SHISA9: variants seen among roughly 807,000 people sequenced by gnomAD.
SHISA9 encodes the protein shisa family member 9.
SHISA9 carries 13 observed loss-of-function variants against 38.0 expected under a neutral mutation model. That is an observed-to-expected ratio of 0.34 (90% CI 0.22 to 0.54). SHISA9 has a LOEUF of 0.54. SHISA9 is among the 20% of genes least tolerant of loss of function. The pLI is 0.91. For synonymous variants in SHISA9, 275 were observed against 242.0 expected, an observed-to-expected ratio of 1.14 and a Z score of -1.27; for missense variants, 538 against 575.8, an observed-to-expected ratio of 0.93 and a Z score of 0.67.
chr16:13,223,664 G>C (rs2051251362), intron 4 of SHISA9, among the ~76,000 whole-genome samples: 2 of 152,150 alleles, frequency 1.3e-5, no homozygotes, highest in South Asian at 4.1e-4. Flanking sequence ...ATGTACCTGA[G>C]ACTGGGTAAT....
At chr16:13,353,841 G>T in the SHISA9 span, among the ~76,000 whole-genome samples, 1 of 152,144 alleles carries the variant, frequency 6.6e-6, no homozygotes, top group African/African-American at 2.4e-5. Flanking sequence ...GGATATAAAG[G>T]TTTCACTGAA....
the SHISA9 span, among the ~76,000 whole-genome samples, chr16:13,539,334 T>C: frequency 2.4e-5 from 1 of 41,542 alleles, no homozygotes; most frequent in South Asian, 1.6e-3. Context: ...AGGATCTTTA[T>C]ATATATATAA....
the SHISA9 span, among the ~76,000 whole-genome samples, chr16:13,420,373 C>G: frequency 6.6e-6 from 1 of 151,822 alleles, no homozygotes; most frequent in African/African-American, 2.4e-5. Context: ...ATGATCCTCC[C>G]CTCACAGAAA....
intron 2 of SHISA9, among the ~76,000 whole-genome samples, chr16:13,116,282 C>T (rs1209198504): frequency 1.3e-5 from 2 of 152,170 alleles, no homozygotes; most frequent in Non-Finnish European, 2.9e-5. Flanking sequence ...ATATATGATA[C>T]AGCATGAAGA....
chr16:12,974,049 G>C (rs2072121529), intron 2 of SHISA9, among the ~76,000 whole-genome samples: 1 of 152,174 alleles, frequency 6.6e-6, no homozygotes, highest in Non-Finnish European at 1.5e-5. Flanking sequence ...CTCCAGCACT[G>C]CCTGCCAGGA....
chr16:13,389,336 G>C, the SHISA9 span, among the ~76,000 whole-genome samples: 1 of 152,048 alleles, frequency 6.6e-6, no homozygotes, highest in African/African-American at 2.4e-5. Flanking sequence ...AGCCTTTTCA[G>C]ATTGGCTTCT....
chr16:13,374,561 A>G, the SHISA9 span, among the ~76,000 whole-genome samples: 4 of 152,106 alleles, frequency 2.6e-5, no homozygotes, highest in African/African-American at 9.7e-5. Context: ...AATCCAGTCT[A>G]TCATTGATGG....
At chr16:13,265,893 GTATCAATT>G in the SHISA9 span, among the ~76,000 whole-genome samples, 1 of 152,060 alleles carries the variant, frequency 6.6e-6, no homozygotes, top group South Asian at 2.1e-4. Context: ...AGTGTTCTGG[GTATCAATT>G]TACACTGAAA....
At chr16:13,537,964 CT>C in the SHISA9 span, among the ~76,000 whole-genome samples, 1 of 151,996 alleles carries the variant, frequency 6.6e-6, no homozygotes, top group East Asian at 1.9e-4. Flanking sequence ...CTTTTTTCAT[CT>C]TTTTTGTATT....
At chr16:13,435,054 G>C in the SHISA9 span, among the ~76,000 whole-genome samples, 4 of 152,180 alleles carry the variant, frequency 2.6e-5, no homozygotes, top group African/African-American at 9.7e-5. Context: ...TAGGTAATCT[G>C]TTCTTTTTTC....
intron 2 of SHISA9, among the ~76,000 whole-genome samples, chr16:13,139,685 G>A (rs865961494): frequency 7.2e-5 from 11 of 151,936 alleles, no homozygotes; most frequent in African/African-American, 2.2e-4. Context: ...TCCAGATTTC[G>A]TAAAATTCAG....
chr16:13,156,570 TAAC>T (rs1226066771), intron 2 of SHISA9, among the ~76,000 whole-genome samples: 1 of 151,830 alleles, frequency 6.6e-6, no homozygotes, highest in Non-Finnish European at 1.5e-5. Flanking sequence ...CCGTCTCTAC[TAAC>T]AATACAAAAA....
At chr16:12,997,637 C>G (rs538820961) in intron 2 of SHISA9, among the ~76,000 whole-genome samples, 4 of 152,124 alleles carry the variant, frequency 2.6e-5, no homozygotes, top group Admixed American at 1.3e-4. Flanking sequence ...ATCTCCTGAC[C>G]TCAGGTGATC....
chr16:13,276,905 G>C, the SHISA9 span, among the ~76,000 whole-genome samples: 1 of 152,004 alleles, frequency 6.6e-6, no homozygotes, highest in African/African-American at 2.4e-5. Context: ...CCATGCAAAA[G>C]CTCTTCATTT....
chr16:13,262,352 G>A, the SHISA9 span, among the ~76,000 whole-genome samples: 1 of 152,064 alleles, frequency 6.6e-6, no homozygotes, highest in African/African-American at 2.4e-5. Context: ...CTAGATCCTG[G>A]CATCCACAGC....
At chr16:13,299,710 CAA>C in the SHISA9 span, among the ~76,000 whole-genome samples, 4 of 118,350 alleles carry the variant, frequency 3.4e-5, no homozygotes, top group East Asian at 2.5e-4. Flanking sequence ...GAGCCTCTGT[CAA>C]AAAAAAAAAA....
the SHISA9 span, among the ~76,000 whole-genome samples, chr16:13,511,687 A>G: frequency 6.6e-6 from 1 of 152,152 alleles, no homozygotes; most frequent in Non-Finnish European, 1.5e-5. Flanking sequence ...GGATTCAGGC[A>G]AAGTCCAGTA....
intron 2 of SHISA9, among the ~76,000 whole-genome samples, chr16:12,997,564 AC>A (rs2072473656): frequency 6.6e-6 from 1 of 151,384 alleles, no homozygotes. Context: ...CCACCATCAA[AC>A]CTGGCTAATT....
At chr16:12,917,686 C>G (rs970833835) in intron 2 of SHISA9, among the ~76,000 whole-genome samples, 18 of 151,416 alleles carry the variant, frequency 1.2e-4, no homozygotes, top group Non-Finnish European at 2.2e-4. Flanking sequence ...AAGTAACCCC[C>G]ACATTAAAGT....
Sources: gnomAD v4.1 joint callset for allele counts (sites outside exome capture counted in the v4.1 genomes callset) on GRCh38, gnomAD v4.1.1 for gene constraint, MANE v1.5 for transcripts, NCBI Gene and HGNC (gene_info 2026-07-23, HGNC 2026-07-21) for gene names.